The following SNRNP200 variants were observed in gnomAD, a reference collection of about 807,000 sequenced individuals.
SNRNP200 encodes the protein U5 small nuclear ribonucleoprotein 200 kDa helicase.
SNRNP200 carries 66 observed loss-of-function variants against 255.2 expected under a neutral mutation model. That is an observed-to-expected ratio of 0.26 (90% CI 0.21 to 0.32). The LOEUF is 0.32. SNRNP200 is among the 10% of genes least tolerant of loss of function. SNRNP200 has a pLI of 1.00. For missense variants in SNRNP200, 1,585 were observed against 2,749.8 expected, an observed-to-expected ratio of 0.58 and a Z score of 9.47; for synonymous variants, 939 against 1,027.8, an observed-to-expected ratio of 0.91 and a Z score of 1.65.
intron 35 of SNRNP200, chr2:96,279,799 G>A (rs1684728840): frequency 2.0e-6 from 1 of 489,012 alleles, no homozygotes; most frequent in African/African-American, 1.9e-5. Context: ...CATGAACCAA[G>A]CTACAAAACT....
chr2:96,279,204 G>A, intron 36 of SNRNP200: 1 of 652,598 alleles, frequency 1.5e-6, no homozygotes, highest in Non-Finnish European at 2.7e-6. Context: ...AGAGCAGTGA[G>A]CAGCCCAAGG....
Position 96,304,689 on chromosome 2 carries a change from T to G in SNRNP200, c.209+16A>C. 6.2e-7 allele frequency: 1 copy of G among 1,613,992 alleles called. No individual in the cohort carries two copies. Among genetic ancestry groups the G allele is most frequent in the East Asian group, 2.2e-5 (1 of 44,882 alleles). The stretch of plus-strand genomic sequence containing the variant: ...TTTGGATCTGAAGGAAAAAATAGTA[T>G]CCCCTTGGCACTCACTTGGCTCTTC... On this transcript the variant is annotated intron_variant, in intron 2 of 44. Coordinates refer to ENST00000323853, the MANE Select transcript of SNRNP200 (RefSeq NM_014014.5).
In SNRNP200 at chr2:96,303,010, T is replaced by G. The variant is rs889963908; in HGVS notation, c.381+149A>C. The G allele has an allele frequency of 8.3e-6, 7 of 842,484 alleles. No individual in the cohort carries two copies. The African/African-American group carries it at 1.0e-4, about 12-fold the overall frequency. 52.2% of individuals were successfully genotyped at this position (842,484 alleles called of 1,614,324 possible). ...TGATTGATTAAATGACCAGCCTCCA[T>G]TCTGAACTACCTAAGTGCTGCCAGC... On this transcript the variant is annotated intron_variant, in intron 3 of 44. Coordinates refer to ENST00000323853, the MANE Select transcript of SNRNP200 (RefSeq NM_014014.5).
In SNRNP200 at chr2:96,276,105, C is replaced by T. The variant is rs1388321270; in HGVS notation, c.6175-756G>A. On this transcript the variant is annotated intron_variant, in intron 43 of 44. Coordinates refer to ENST00000323853, the MANE Select transcript of SNRNP200 (RefSeq NM_014014.5). ...ACGGGCTGCCCCGCTGTCACAAAGACGAAGAGTCCCAGTTAAAAGCAGTCT... is the reference window on the plus strand; with the variant it reads ...ACGGGCTGCCCCGCTGTCACAAAGATGAAGAGTCCCAGTTAAAAGCAGTCT... Among the ~76,000 whole-genome samples the T allele has an allele frequency of 5.9e-5, 9 of 152,346 alleles. No individual in the cohort carries two copies. The East Asian group carries it at 1.7e-3, about 29-fold the overall frequency.
rs759509846 is a variant in SNRNP200, at chr2:96,293,393, G to A, written c.1959C>T (p.Ala653=). 1 of 1,614,090 alleles carries A rather than the reference G, an allele frequency of 6.2e-7. No individual in the cohort carries two copies. The highest frequency in any genetic ancestry group is 1.1e-5 in the South Asian group (1 of 91,076). The stretch of plus-strand genomic sequence containing the variant: ...CTACATCTTCATAGTTGGGTAGGGT[G>A]GCACTGAGACCAATGAGTCGGACAT... The part of the protein sequence containing the change: ...QEDVRLIGLS[A]TLPNYEDVAT... The change falls in exon 15 of 45, where the codon GCC becomes GCT. Residue 653 remains alanine, a synonymous_variant. Coordinates refer to ENST00000323853, the MANE Select transcript of SNRNP200 (RefSeq NM_014014.5).
rs1403528011 is a variant in SNRNP200 at position 96,289,913 on chromosome 2, G to T, written c.2826C>A (p.Asp942Glu). The T allele has an allele frequency of 6.2e-7, 1 of 1,614,134 alleles. No homozygotes were observed. Among genetic ancestry groups the T allele is most frequent in the South Asian group, 1.1e-5 (1 of 91,076 alleles). The stretch of plus-strand genomic sequence containing the variant: ...GGTCCAGCAGGGGATCTCCCTTGAG[G>T]TCATCATGAGAGATGCCATAGAGGG... Reference protein sequence around the residue: ...SPTLYGISHDDLKGDPLLDQR... With the variant: ...SPTLYGISHDELKGDPLLDQR... Residue 942 changes from aspartate (D) to glutamate (E), a missense_variant, in exon 21 of 45, where the codon GAC becomes GAA. Physicochemically the swap from Asp to Glu is conservative, Grantham distance 45. Transcript: ENST00000323853.
At position 96,281,935 on chromosome 2, in the gene SNRNP200, G is replaced by A. The variant is rs776111900; in HGVS notation, c.4916-13C>T. 2.0e-5 allele frequency: 32 copies of A among 1,609,552 alleles called. No homozygotes were observed. The highest frequency in any genetic ancestry group is 2.5e-5 in the Non-Finnish European group (29 of 1,175,992). ...ACCTGGATAGCCCCTGAGCAGTAGA[G>A]GGGAGAGGAAGGCTGAGGGCAGGGG... On this transcript the variant is annotated splice_polypyrimidine_tract_variant and intron_variant, in intron 34 of 44. Coordinates refer to ENST00000323853, the MANE Select transcript of SNRNP200 (RefSeq NM_014014.5).
chr2:96,283,517 A>G lies in SNRNP200; in HGVS notation c.4763+18T>C. 1 of 1,613,670 alleles carries G rather than the reference A, an allele frequency of 6.2e-7. No individual in the cohort carries two copies. Among genetic ancestry groups the G allele is most frequent in the Non-Finnish European group, 8.5e-7 (1 of 1,179,912 alleles). ...CACTTAACCTAACCCCAACCCCCAG[A>G]CGCCAGGCCCCACCTACCTCTGCCG... On this transcript the variant is annotated intron_variant, in intron 33 of 44. Transcript: ENST00000323853. The surrounding 1 kb of genome is among the most constrained non-coding windows in gnomAD (Gnocchi z 4.7).
In SNRNP200 at chr2:96,287,245, G is replaced by GGT; in HGVS notation, c.3485-87_3485-86dup. 1 of 1,532,626 alleles carries GGT rather than the reference G, an allele frequency of 6.5e-7. No individual in the cohort carries two copies. The highest frequency in any genetic ancestry group is 9.0e-7 in the Non-Finnish European group (1 of 1,106,926). 94.9% of individuals were successfully genotyped at this position (1,532,626 alleles called of 1,614,324 possible). A position where few individuals can be genotyped will look rare whatever the true frequency, so the allele number is the denominator to read the frequency against. ...GGCCTGAGGGCCACTGTGGGAAAGG[G>GGT]GTAGGGTCTTCCCTTTATGGTCAGT... On this transcript the variant is annotated intron_variant, in intron 26 of 44. Coordinates refer to ENST00000323853, the MANE Select transcript of SNRNP200 (RefSeq NM_014014.5). This position sits in a 1 kb window ranked among gnomAD's most constrained non-coding sequence, Gnocchi z 5.7.
At position 96,289,921 on chromosome 2, in the gene SNRNP200, GAGA is replaced by G. The variant is rs2063873953; in HGVS notation, c.2815_2817del (p.Ser939del). On this transcript the variant is annotated inframe_deletion, in exon 21 of 45. Coordinates refer to ENST00000323853, the MANE Select transcript of SNRNP200 (RefSeq NM_014014.5). ...AGGGGATCTCCCTTGAGGTCATCAT[GAGA>G]GATGCCATAGAGGGTTGGGGATCGC... 1 of 1,614,052 alleles carries G rather than the reference GAGA, an allele frequency of 6.2e-7. No individual in the cohort carries two copies. Among genetic ancestry groups the G allele is most frequent in the Admixed American group, 1.7e-5 (1 of 60,014 alleles).
Position 96,287,352 on chromosome 2 carries a change from G to T in SNRNP200, c.3484+87C>A. Reference sequence around the variant, plus strand: ...TGGGGAGTGAACACAGGATACTAATGCACAGGCCTAGGAACAGGAAGACTA... The same window carrying T: ...TGGGGAGTGAACACAGGATACTAATTCACAGGCCTAGGAACAGGAAGACTA... On this transcript the variant is annotated intron_variant, in intron 26 of 44. Transcript: ENST00000323853. This position sits in a 1 kb window ranked among gnomAD's most constrained non-coding sequence, Gnocchi z 5.7. 8.4e-7 allele frequency: 1 copy of T among 1,189,062 alleles called. No individual in the cohort carries two copies. Among genetic ancestry groups the T allele is most frequent in the African/African-American group, 1.5e-5 (1 of 66,696 alleles). The allele number at this position is 1,189,062 out of a possible 1,614,324, so 73.7% of individuals were successfully genotyped here.
chr2:96,301,507 A>G lies in SNRNP200; in HGVS notation c.574+17T>C, dbSNP rs749490942. 1.9e-6 allele frequency: 3 copies of G among 1,613,782 alleles called. No homozygotes were observed. The highest frequency in any genetic ancestry group is 2.2e-5 in the East Asian group (1 of 44,878). ...AACAACCAATGAACATGATCAGAAC[A>G]TAAAGCGCGCACTTACCCATATTTT... On this transcript the variant is annotated intron_variant, in intron 4 of 44. Transcript: ENST00000323853.
rs977577927 is a variant in SNRNP200, at chr2:96,274,604, G to T, written c.*408C>A. The T allele has an allele frequency of 6.1e-6, 2 of 327,954 alleles. No individual in the cohort carries two copies. Among genetic ancestry groups the T allele is most frequent in the African/African-American group, 4.3e-5 (2 of 46,378 alleles). 20.3% of individuals were successfully genotyped at this position (327,954 alleles called of 1,614,324 possible). ...CTACAGGGGACAGCACACCTAATGAGCAGGTCTGTCCTCCAGACATACTCA... is the reference window on the plus strand; with the variant it reads ...CTACAGGGGACAGCACACCTAATGATCAGGTCTGTCCTCCAGACATACTCA... On this transcript the variant is annotated 3_prime_UTR_variant, in exon 45 of 45. Coordinates refer to ENST00000323853, the MANE Select transcript of SNRNP200 (RefSeq NM_014014.5).
rs868823538 is a variant in SNRNP200, at chr2:96,282,151, G to C, written c.4916-229C>G. ...ATCCAGGAGAAAACAAGTCATCATA[G>C]AACAGAACCCAAAGCCCAGGAACAC... On this transcript the variant is annotated intron_variant, in intron 34 of 44. Coordinates refer to ENST00000323853, the MANE Select transcript of SNRNP200 (RefSeq NM_014014.5). The C allele has an allele frequency of 1.1e-4, 57 of 516,976 alleles. 1 individual carries two copies. Among genetic ancestry groups the C allele is most frequent in the Middle Eastern group, 3.9e-4 (1 of 2,546 alleles). 32.0% of individuals were successfully genotyped at this position (516,976 alleles called of 1,614,324 possible). A position where few individuals can be genotyped will look rare whatever the true frequency, so the allele number is the denominator to read the frequency against.
rs923794902 is a variant in SNRNP200, at chr2:96,274,389, T to G, written c.*623A>C. 5.7e-5 allele frequency: 9 copies of G among 157,248 alleles called. No homozygotes were observed. The highest frequency in any genetic ancestry group is 1.8e-4 in the Admixed American group (3 of 16,360). The allele number at this position is 157,248 out of a possible 1,614,324, so 9.7% of individuals were successfully genotyped here. ...CTGGGTCACATCCAGCTAGTACATT[T>G]CAGTGCCCTTTCTGGTGCTGCCTCC... On this transcript the variant is annotated 3_prime_UTR_variant, in exon 45 of 45. Transcript: ENST00000323853.
In SNRNP200 at chr2:96,285,348, C is replaced by T; in HGVS notation, c.4004-8G>A. 1 of 1,614,010 alleles carries T rather than the reference C, an allele frequency of 6.2e-7. No individual in the cohort carries two copies. The highest frequency in any genetic ancestry group is 1.3e-5 in the African/African-American group (1 of 75,056). On this transcript the variant is annotated splice_polypyrimidine_tract_variant and splice_region_variant and intron_variant, in intron 29 of 44. Transcript: ENST00000323853. ...TGTATACAGTGTTAAACACTGGAAA[C>T]CAACAGAAAGAAGCAGTGTAAGTAT...
chr2:96,284,817 T>C, intron 30 of SNRNP200: 1 of 561,126 alleles, frequency 1.8e-6, no homozygotes, highest in Non-Finnish European at 3.2e-6. Context: ...TGGTGCGAAC[T>C]TGGCTCACTG....
intron 12 of SNRNP200, 52 bp from the exon 13 acceptor site, chr2:96,296,743 G>T: frequency 6.2e-7 from 1 of 1,601,362 alleles, no homozygotes; most frequent in Non-Finnish European, 8.6e-7. Flanking sequence ...TATTCTCACT[G>T]CCCTAACTTC....
chr2:96,302,493 T>C (rs1438497692), intron 3 of SNRNP200, among the ~76,000 whole-genome samples: 1 of 152,196 alleles, frequency 6.6e-6, no homozygotes, highest in Non-Finnish European at 1.5e-5. Context: ...ACAGAAGGCT[T>C]CTGTGACAAT....
Sources: allele counts gnomAD v4.1 joint callset (sites outside exome capture counted in the v4.1 genomes callset), GRCh38; gene constraint gnomAD v4.1.1; non-coding constraint Gnocchi (gnomAD v3.1); transcripts MANE v1.5; gene names NCBI Gene and HGNC (gene_info 2026-07-23, HGNC 2026-07-21).